The following RORA variants were observed in gnomAD, a reference collection of about 807,000 sequenced individuals.
RORA encodes the protein nuclear receptor ROR-alpha.
A neutral mutation model predicts 69.5 loss-of-function variants in RORA; 7 were observed. The observed-to-expected ratio is 0.10, with a 90% CI of 0.06 to 0.19. RORA has a LOEUF of 0.19. Among genes scored for constraint, RORA ranks in the 10% least tolerant of loss-of-function variants. The pLI is 1.00. For missense variants in RORA, 457 were observed against 663.0 expected, an observed-to-expected ratio of 0.69 and a Z score of 3.41; for synonymous variants, 261 against 240.8, an observed-to-expected ratio of 1.08 and a Z score of -0.78.
chr15:60,596,830 G>A (rs534858609), intron 2 of RORA, among the ~76,000 whole-genome samples: 2 of 152,164 alleles, frequency 1.3e-5, no homozygotes, highest in East Asian at 1.9e-4. Flanking sequence ...ATGAAATATC[G>A]TGAAATAGAC....
At chr15:61,144,045 C>A (rs540168608) in intron 1 of RORA, among the ~76,000 whole-genome samples, 3 of 152,334 alleles carry the variant, frequency 2.0e-5, no homozygotes, top group Non-Finnish European at 4.4e-5. Context: ...TTCTCCTAAA[C>A]AGAATCCCTT....
At chr15:60,772,935 A>G (rs1395034781) in intron 1 of RORA, among the ~76,000 whole-genome samples, 1 of 152,214 alleles carries the variant, frequency 6.6e-6, no homozygotes, top group Non-Finnish European at 1.5e-5. Flanking sequence ...CTTTATCTTA[A>G]TTGCCGATTA....
At chr15:60,579,156 T>C (rs1162282944) in intron 2 of RORA, among the ~76,000 whole-genome samples, 2 of 151,360 alleles carry the variant, frequency 1.3e-5, no homozygotes, top group Non-Finnish European at 2.9e-5. Context: ...TCCTGCTTCC[T>C]GCTAAGGTGC....
At chr15:61,100,127 T>TC (rs2078856913) in intron 1 of RORA, among the ~76,000 whole-genome samples, 1 of 148,682 alleles carries the variant, frequency 6.7e-6, no homozygotes, top group African/African-American at 2.5e-5. Flanking sequence ...TTTTTTTTTT[T>TC]TTTTTCTTTT....
At chr15:60,560,913 A>T (rs2067519664) in intron 2 of RORA, among the ~76,000 whole-genome samples, 1 of 152,140 alleles carries the variant, frequency 6.6e-6, no homozygotes, top group Admixed American at 6.5e-5. Flanking sequence ...AATAAAACAT[A>T]TTGTCTTCAC....
In RORA at chr15:61,229,210, T is replaced by C; in HGVS notation, c.9A>G (p.Ser3=). The C allele has an allele frequency of 6.7e-7, 1 of 1,486,730 alleles. No individual in the cohort carries two copies. Among genetic ancestry groups the C allele is most frequent in the Non-Finnish European group, 9.0e-7 (1 of 1,117,124 alleles). 92.1% of individuals were successfully genotyped at this position (1,486,730 alleles called of 1,614,324 possible). The change falls in exon 1 of 11, where the codon TCA becomes TCG. Residue 3 remains serine, a synonymous_variant. Transcript: ENST00000335670. Reference sequence around the variant, plus strand: ...CGGCGGGGTCGGGGGCTGCCGGAGCTGACTCCATGTTTTTTCCCAATGTAG... The same window carrying C: ...CGGCGGGGTCGGGGGCTGCCGGAGCCGACTCCATGTTTTTTCCCAATGTAG... The part of the protein sequence containing the change: ME[S]APAAPDPAAS...
At chr15:60,513,582 A>G (rs1009170281) in intron 4 of RORA, among the ~76,000 whole-genome samples, 13 of 152,234 alleles carry the variant, frequency 8.5e-5, no homozygotes, top group Admixed American at 5.9e-4. Context: ...GTTTAGTACC[A>G]TCGGAAGATG....
intron 1 of RORA, among the ~76,000 whole-genome samples, chr15:60,964,567 G>A (rs1382064613): frequency 6.6e-6 from 1 of 152,188 alleles, no homozygotes; most frequent in Non-Finnish European, 1.5e-5. Flanking sequence ...AGAATAAGAT[G>A]GCTAGTAAAT....
chr15:60,915,640 T>A lies in RORA; in HGVS notation c.167-236954A>T, dbSNP rs1357670848. Among the ~76,000 whole-genome samples, 6 of 152,240 alleles carry A rather than the reference T, an allele frequency of 3.9e-5. No homozygotes were observed. In the East Asian group the frequency reaches 1.2e-3, roughly 29 times the overall value. Reference sequence around the variant, plus strand: ...ACTGAATTCTTAATTTTATATCATTTTAATTAATTTAGATTTACATTTAAA... The same window carrying A: ...ACTGAATTCTTAATTTTATATCATTATAATTAATTTAGATTTACATTTAAA... On this transcript the variant is annotated intron_variant, in intron 1 of 10. Transcript: ENST00000335670.
intron 1 of RORA, among the ~76,000 whole-genome samples, chr15:61,074,345 G>T (rs1050462421): frequency 3.3e-5 from 5 of 152,132 alleles, no homozygotes; most frequent in Admixed American, 3.3e-4. Flanking sequence ...ATCCATAAAG[G>T]AGTTATATAA....
intron 1 of RORA, among the ~76,000 whole-genome samples, chr15:60,910,709 T>C (rs1891681391): frequency 6.6e-6 from 1 of 152,198 alleles, no homozygotes; most frequent in Admixed American, 6.5e-5. Flanking sequence ...ATTTTCTCCA[T>C]GGAATCACAT....
intron 2 of RORA, among the ~76,000 whole-genome samples, chr15:60,590,024 T>C (rs760873229): frequency 6.6e-6 from 1 of 152,220 alleles, no homozygotes; most frequent in African/African-American, 2.4e-5. Context: ...TATGGAAACA[T>C]TTACAGCATT....
chr15:61,108,485 T>C (rs1323858665), intron 1 of RORA, among the ~76,000 whole-genome samples: 1 of 152,236 alleles, frequency 6.6e-6, no homozygotes, highest in Admixed American at 6.5e-5. Flanking sequence ...CTATACCGAT[T>C]TGTTGACATA....
intron 1 of RORA, among the ~76,000 whole-genome samples, chr15:61,083,306 C>T (rs1443938930): frequency 6.6e-6 from 1 of 152,126 alleles, no homozygotes; most frequent in Non-Finnish European, 1.5e-5. Context: ...AGGCAGAATC[C>T]AAAGTGCAAG....
chr15:60,876,314 G>A (rs372161227), intron 1 of RORA, among the ~76,000 whole-genome samples: 15 of 99,486 alleles, frequency 1.5e-4, no homozygotes, highest in East Asian at 1.0e-3. Context: ...CAGGAAGTGG[G>A]GGGGGGGGGG....
intron 2 of RORA, among the ~76,000 whole-genome samples, chr15:60,554,144 G>C (rs1032216845): frequency 6.6e-6 from 1 of 152,140 alleles, no homozygotes; most frequent in Admixed American, 6.6e-5. Flanking sequence ...TCTCTGTGAA[G>C]TTATTTCCCA....
chr15:60,779,880 G>A (rs184153322), intron 1 of RORA, among the ~76,000 whole-genome samples: 183 of 152,256 alleles, frequency 1.2e-3, no homozygotes, highest in African/African-American at 3.9e-3. Flanking sequence ...CACCAAGGAG[G>A]TTTGCCTCAA....
rs541036398 is a variant in RORA, at chr15:60,888,478, G to A, written c.167-209792C>T. Among the ~76,000 whole-genome samples the A allele has an allele frequency of 6.0e-4, 92 of 152,116 alleles. 1 individual carries two copies. In the East Asian group the frequency reaches 0.014, roughly 24 times the overall value. ...TGTGCACATGCACACACACACACAC[G>A]CACATATACACATGCAAACACACAC... is the stretch of plus-strand genomic sequence containing the variant. On this transcript the variant is annotated intron_variant, in intron 1 of 10. Transcript: ENST00000335670.
chr15:61,228,065 A>C (rs537306707), intron 1 of RORA, among the ~76,000 whole-genome samples: 1 of 146,120 alleles, frequency 6.8e-6, no homozygotes, highest in East Asian at 2.2e-4. Context: ...CACCAAAATG[A>C]AGAGTAAAAA....
Sources: gnomAD v4.1 joint callset for allele counts (sites outside exome capture counted in the v4.1 genomes callset) on GRCh38, gnomAD v4.1.1 for gene constraint, MANE v1.5 for transcripts, NCBI Gene and HGNC (gene_info 2026-07-23, HGNC 2026-07-21) for gene names.